The following NKX6-2 variants were observed in gnomAD, a reference collection of about 807,000 sequenced individuals.
NKX6-2 encodes the protein homeobox protein Nkx-6.2.
NKX6-2 carries 22 observed loss-of-function variants against 19.9 expected under a neutral mutation model. The observed-to-expected ratio is 1.10, with a 90% CI of 0.79 to 1.58. NKX6-2 has a LOEUF of 1.58. Among genes scored for constraint, NKX6-2 ranks in the 40% most tolerant of loss-of-function variants. The pLI is 0.00. For missense variants in NKX6-2, 475 were observed against 410.6 expected, an observed-to-expected ratio of 1.16 and a Z score of -1.35; for synonymous variants, 257 against 204.0, an observed-to-expected ratio of 1.26 and a Z score of -2.21.
Position 132,785,727 on chromosome 10 carries a change from G to GC in NKX6-2, c.221dup (p.Leu75ProfsTer385). On this transcript the variant is annotated frameshift_variant, in exon 1 of 3. Transcript: ENST00000368592. LOFTEE classifies it high-confidence loss of function. The surrounding 1 kb of genome is among the most constrained non-coding windows in gnomAD (Gnocchi z 5.5). ...TGAGCCGGGGCAGCCCCCCCAGGAG[G>GC]CCCCCGCCCGCCGCGCCCACGGGCC... The GC allele has an allele frequency of 8.1e-7, 1 of 1,230,600 alleles. No individual in the cohort carries two copies. Among genetic ancestry groups the GC allele is most frequent in the South Asian group, 3.4e-5 (1 of 29,322 alleles). The allele number at this position is 1,230,600 out of a possible 1,614,324, so 76.2% of individuals were successfully genotyped here. A position where few individuals can be genotyped will look rare whatever the true frequency, so the allele number is the denominator to read the frequency against.
rs1847206288 is a variant in NKX6-2 at position 132,783,614 on chromosome 10, G to T, written c.*1302C>A. On this transcript the variant is annotated 3_prime_UTR_variant, in exon 3 of 3. Transcript: ENST00000368592. ...ATCCTGGAATTTCACTGTATCACAC[G>T]CTGTCACAAAACACTAAGCCGTTCA... 1 of 152,162 alleles carries T rather than the reference G, an allele frequency of 6.6e-6. No individual in the cohort carries two copies. Among genetic ancestry groups the T allele is most frequent in the Admixed American group, 6.5e-5 (1 of 15,272 alleles). The allele number at this position is 152,162 out of a possible 1,614,324, so 9.4% of individuals were successfully genotyped here.
Position 132,785,679 on chromosome 10 carries a change from G to C in NKX6-2, c.270C>G (p.Gly90=). 8.0e-7 allele frequency: 1 copy of C among 1,252,070 alleles called. No homozygotes were observed. Among genetic ancestry groups the C allele is most frequent in the Non-Finnish European group, 1.0e-6 (1 of 999,898 alleles). 77.6% of individuals were successfully genotyped at this position (1,252,070 alleles called of 1,614,324 possible). A position where few individuals can be genotyped will look rare whatever the true frequency, so the allele number is the denominator to read the frequency against. ...CAGCGGCCGCGGGCCCGAAGTAAAC[G>C]CCGGCGGACGACGCGAGCCCGTTGA... ...PRLNGLASSA[G]VYFGPAAAVA... The change falls in exon 1 of 3, where the codon GGC becomes GGG. Residue 90 remains glycine, a synonymous_variant. Transcript: ENST00000368592. The surrounding 1 kb of genome is among the most constrained non-coding windows in gnomAD (Gnocchi z 5.5).
In NKX6-2 at chr10:132,785,504, G is replaced by A. The variant is rs1847252605; in HGVS notation, c.406+39C>T. On this transcript the variant is annotated intron_variant, in intron 1 of 2. Coordinates refer to ENST00000368592, the MANE Select transcript of NKX6-2 (RefSeq NM_177400.3). The surrounding 1 kb of genome is among the most constrained non-coding windows in gnomAD (Gnocchi z 5.5). ...TCAGCGGCCGGCGGGGTCCCCCTCC[G>A]CGCCCACCCGCCCCGCACCCCCCGC... The A allele has an allele frequency of 7.0e-7, 1 of 1,430,398 alleles. No homozygotes were observed. The highest frequency in any genetic ancestry group is 2.8e-5 in the Admixed American group (1 of 36,072). 88.6% of individuals were successfully genotyped at this position (1,430,398 alleles called of 1,614,324 possible). A position where few individuals can be genotyped will look rare whatever the true frequency, so the allele number is the denominator to read the frequency against.
At position 132,785,971 on chromosome 10, in the gene NKX6-2, GGCTCCC is replaced by G; in HGVS notation, c.-29_-24del. On this transcript the variant is annotated 5_prime_UTR_variant, in exon 1 of 3. The change abolishes an upstream ATG in the 5' untranslated region. Transcript: ENST00000368592. The surrounding 1 kb of genome is among the most constrained non-coding windows in gnomAD (Gnocchi z 5.5). ...CATGGGCGCCGCCGCCGCCGGCCCG[GGCTCCC>G]ATCCGGGCCCCGCCGCCGCCGCCCC... The G allele has an allele frequency of 1.1e-6, 1 of 878,516 alleles. No individual in the cohort carries two copies. The highest frequency in any genetic ancestry group is 1.5e-6 in the Non-Finnish European group (1 of 677,500). 54.4% of individuals were successfully genotyped at this position (878,516 alleles called of 1,614,324 possible). A position where few individuals can be genotyped will look rare whatever the true frequency, so the allele number is the denominator to read the frequency against.
rs1434576339 is a variant in NKX6-2 at position 132,784,701 on chromosome 10, G to C, written c.*215C>G. ...CCCGCAGCCTCCGCACCGGGAACCC[G>C]GAGGACCCGAGGCGGGCGCAGGGGC... On this transcript the variant is annotated 3_prime_UTR_variant, in exon 3 of 3. Transcript: ENST00000368592. The C allele has an allele frequency of 1.9e-6, 1 of 533,072 alleles. No homozygotes were observed. The highest frequency in any genetic ancestry group is 2.5e-5 in the South Asian group (1 of 39,900). 33.0% of individuals were successfully genotyped at this position (533,072 alleles called of 1,614,324 possible). A position where few individuals can be genotyped will look rare whatever the true frequency, so the allele number is the denominator to read the frequency against.
In NKX6-2 at chr10:132,785,194, G is replaced by C; in HGVS notation, c.580-24C>G. 1 of 1,599,330 alleles carries C rather than the reference G, an allele frequency of 6.3e-7. No individual in the cohort carries two copies. The highest frequency in any genetic ancestry group is 8.5e-7 in the Non-Finnish European group (1 of 1,173,580). ...ACCTGGGAGTGGACGGGGCGGTCAG[G>C]CGGCCGCGGGGCCCGGGGCTGGCGC... On this transcript the variant is annotated intron_variant, in intron 2 of 2. Transcript: ENST00000368592. The surrounding 1 kb of genome is among the most constrained non-coding windows in gnomAD (Gnocchi z 5.5).
rs777233341 is a variant in NKX6-2 at position 132,785,042 on chromosome 10, G to A, written c.708C>T (p.Asp236=). The A allele has an allele frequency of 1.1e-5, 18 of 1,608,596 alleles. No homozygotes were observed. Among genetic ancestry groups the A allele is most frequent in the Admixed American group, 5.0e-5 (3 of 60,026 alleles). The change falls in exon 3 of 3, where the codon GAC becomes GAT. Residue 236 remains aspartate, a synonymous_variant. Coordinates refer to ENST00000368592, the MANE Select transcript of NKX6-2 (RefSeq NM_177400.3). The surrounding 1 kb of genome is among the most constrained non-coding windows in gnomAD (Gnocchi z 5.5). The stretch of plus-strand genomic sequence containing the variant: ...TGGGGTCCAGGGGCCGGTTGTATTC[G>A]TCGTCGTCCTCCGCGTCCGAGCCGC... ...KVGGSDAEDD[D]EYNRPLDPNS...
chr10:132,785,937 G>A lies in NKX6-2; in HGVS notation c.12C>T (p.Asn4=). Residue 4 remains asparagine (N), a synonymous_variant, in exon 1 of 3, where the codon AAC becomes AAT. Transcript: ENST00000368592. This position sits in a 1 kb window ranked among gnomAD's most constrained non-coding sequence, Gnocchi z 5.5. MDT[N]RPGAFVLSSA... ...TGCTCAGCACGAACGCGCCCGGGCG[G>A]TTAGTGTCCATGGGCGCCGCCGCCG... The A allele has an allele frequency of 1.6e-6, 2 of 1,255,068 alleles. No individual in the cohort carries two copies. The highest frequency in any genetic ancestry group is 2.1e-6 in the Non-Finnish European group (2 of 957,320). The allele number at this position is 1,255,068 out of a possible 1,614,324, so 77.7% of individuals were successfully genotyped here.
chr10:132,785,461 G>A lies in NKX6-2; in HGVS notation c.407-9C>T. On this transcript the variant is annotated splice_polypyrimidine_tract_variant and intron_variant, in intron 1 of 2. Coordinates refer to ENST00000368592, the MANE Select transcript of NKX6-2 (RefSeq NM_177400.3). This position sits in a 1 kb window ranked among gnomAD's most constrained non-coding sequence, Gnocchi z 5.5. ...GACGCCGCCGGCCGGGGCTGCAAGG[G>A]AGGGGAAGGGAGGGAGGTCAGCGGC... 6.5e-7 allele frequency: 1 copy of A among 1,549,712 alleles called. No homozygotes were observed. Among genetic ancestry groups the A allele is most frequent in the Admixed American group, 1.9e-5 (1 of 53,344 alleles).
At position 132,785,429 on chromosome 10, in the gene NKX6-2, T is replaced by C. The variant is rs1215432302; in HGVS notation, c.430A>G (p.Lys144Glu). ...CGCGAGTGCTTCTTCTTCCCGTCCT[T>C]GTCCAGGACGCCGCCGGCCGGGGCT... Reference protein sequence around the residue: ...GPAPAGGVLDKDGKKKHSRPT... With the variant: ...GPAPAGGVLDEDGKKKHSRPT... Residue 144 changes from lysine (K) to glutamate (E), a missense_variant, in exon 2 of 3, where the codon AAG (lysine) becomes GAG (glutamate). Transcript: ENST00000368592. This position sits in a 1 kb window ranked among gnomAD's most constrained non-coding sequence, Gnocchi z 5.5. The C allele has an allele frequency of 1.3e-6, 2 of 1,591,026 alleles. No individual in the cohort carries two copies. The highest frequency in any genetic ancestry group is 1.1e-5 in the South Asian group (1 of 88,494).
chr10:132,785,397 G>A lies in NKX6-2; in HGVS notation c.462C>T (p.Thr154=), dbSNP rs1565020206. Residue 154 remains threonine (T), a synonymous_variant, in exon 2 of 3, where the codon ACC becomes ACT. Coordinates refer to ENST00000368592, the MANE Select transcript of NKX6-2 (RefSeq NM_177400.3). This position sits in a 1 kb window ranked among gnomAD's most constrained non-coding sequence, Gnocchi z 5.5. ...KDGKKKHSRP[T]FSGQQIFALE... is the part of the protein sequence containing the mutation. The stretch of plus-strand genomic sequence containing the variant: ...GCGCGAAGATCTGCTGGCCCGAGAA[G>A]GTCGGGCGCGAGTGCTTCTTCTTCC... The A allele has an allele frequency of 2.5e-6, 4 of 1,601,660 alleles. No homozygotes were observed. Among genetic ancestry groups the A allele is most frequent in the Non-Finnish European group, 3.4e-6 (4 of 1,175,818 alleles).
In NKX6-2 at chr10:132,785,954, C is replaced by G; in HGVS notation, c.-6G>C. The G allele has an allele frequency of 9.9e-7, 1 of 1,007,210 alleles. No homozygotes were observed. The highest frequency in any genetic ancestry group is 1.3e-6 in the Non-Finnish European group (1 of 780,236). The allele number at this position is 1,007,210 out of a possible 1,614,324, so 62.4% of individuals were successfully genotyped here. A position where few individuals can be genotyped will look rare whatever the true frequency, so the allele number is the denominator to read the frequency against. ...CCCGGGCGGTTAGTGTCCATGGGCGCCGCCGCCGCCGGCCCGGGCTCCCAT... is the reference window on the plus strand; with the variant it reads ...CCCGGGCGGTTAGTGTCCATGGGCGGCGCCGCCGCCGGCCCGGGCTCCCAT... On this transcript the variant is annotated 5_prime_UTR_variant, in exon 1 of 3. Coordinates refer to ENST00000368592, the MANE Select transcript of NKX6-2 (RefSeq NM_177400.3). The surrounding 1 kb of genome is among the most constrained non-coding windows in gnomAD (Gnocchi z 5.5).
rs1177538266 is a variant in NKX6-2, at chr10:132,783,393, C to T, written c.*1523G>A. 1 of 152,218 alleles carries T rather than the reference C, an allele frequency of 6.6e-6. No individual in the cohort carries two copies. The highest frequency in any genetic ancestry group is 6.6e-5 in the Admixed American group (1 of 15,260). The allele number at this position is 152,218 out of a possible 1,614,324, so 9.4% of individuals were successfully genotyped here. On this transcript the variant is annotated 3_prime_UTR_variant, in exon 3 of 3. Transcript: ENST00000368592. ...CCGCGGTTCAACACGGAGTCCGCCCCGCGGGTTTCAGCTGTTGGTCGTTCT... is the reference window on the plus strand; with the variant it reads ...CCGCGGTTCAACACGGAGTCCGCCCTGCGGGTTTCAGCTGTTGGTCGTTCT...
chr10:132,785,523 C>G lies in NKX6-2; in HGVS notation c.406+20G>C. 9 of 1,387,038 alleles carry G rather than the reference C, an allele frequency of 6.5e-6. No homozygotes were observed. The highest frequency in any genetic ancestry group is 1.6e-5 in the South Asian group (1 of 60,728). The allele number at this position is 1,387,038 out of a possible 1,614,324, so 85.9% of individuals were successfully genotyped here. ...CCCTCCGCGCCCACCCGCCCCGCAC[C>G]CCCCGCGCGGGCCACTCACCCGGGC... is the stretch of plus-strand genomic sequence containing the variant. On this transcript the variant is annotated intron_variant, in intron 1 of 2. Transcript: ENST00000368592. The surrounding 1 kb of genome is among the most constrained non-coding windows in gnomAD (Gnocchi z 5.5).
At position 132,784,932 on chromosome 10, in the gene NKX6-2, GCGC is replaced by G. The variant is rs1366428736; in HGVS notation, c.815_817del (p.Gly272del). 1.2e-6 allele frequency: 2 copies of G among 1,612,108 alleles called. No individual in the cohort carries two copies. The highest frequency in any genetic ancestry group is 8.5e-7 in the Non-Finnish European group (1 of 1,179,590). ...CGCGGGTCCTCACAAGGCGTCCCCC[GCGC>G]CGCCGCCGCACGGGCTGACCAGCGC... On this transcript the variant is annotated inframe_deletion, in exon 3 of 3. Coordinates refer to ENST00000368592, the MANE Select transcript of NKX6-2 (RefSeq NM_177400.3).
Position 132,783,313 on chromosome 10 carries a change from G to A in NKX6-2, c.*1603C>T, listed in dbSNP as rs1468320100. Reference sequence around the variant, plus strand: ...ACTGCAAGTGACTGCTGTCCGCTGCGGAATCTGTTCTTGGTGGAAGCACAG... The same window carrying A: ...ACTGCAAGTGACTGCTGTCCGCTGCAGAATCTGTTCTTGGTGGAAGCACAG... On this transcript the variant is annotated 3_prime_UTR_variant, in exon 3 of 3. Coordinates refer to ENST00000368592, the MANE Select transcript of NKX6-2 (RefSeq NM_177400.3). 3 of 152,296 alleles carry A rather than the reference G, an allele frequency of 2.0e-5. No homozygotes were observed. The highest frequency in any genetic ancestry group is 6.6e-5 in the Admixed American group (1 of 15,260). 9.4% of individuals were successfully genotyped at this position (152,296 alleles called of 1,614,324 possible).
At position 132,784,279 on chromosome 10, in the gene NKX6-2, A is replaced by C. The variant is rs965212839; in HGVS notation, c.*637T>G. 7 of 152,288 alleles carry C rather than the reference A, an allele frequency of 4.6e-5. No homozygotes were observed. Among genetic ancestry groups the C allele is most frequent in the East Asian group, 1.9e-4 (1 of 5,196 alleles). The allele number at this position is 152,288 out of a possible 1,614,324, so 9.4% of individuals were successfully genotyped here. On this transcript the variant is annotated 3_prime_UTR_variant, in exon 3 of 3. Coordinates refer to ENST00000368592, the MANE Select transcript of NKX6-2 (RefSeq NM_177400.3). ...GAAGATCTGGCGGGATGGTGACCGA[A>C]GGGCCTCCGTGCAGCGGATCAGACC...
In NKX6-2 at chr10:132,784,672, G is replaced by T; in HGVS notation, c.*244C>A. 1 of 488,226 alleles carries T rather than the reference G, an allele frequency of 2.0e-6. No individual in the cohort carries two copies. The highest frequency in any genetic ancestry group is 3.0e-5 in the South Asian group (1 of 33,416). The allele number at this position is 488,226 out of a possible 1,614,324, so 30.2% of individuals were successfully genotyped here. ...CTTCGCCGCCTCCTCGCGCCTGCCC[G>T]GGGCCCGCAGCCTCCGCACCGGGAA... On this transcript the variant is annotated 3_prime_UTR_variant, in exon 3 of 3. Transcript: ENST00000368592.
chr10:132,785,330 C>G lies in NKX6-2; in HGVS notation c.529G>C (p.Glu177Gln). 1 of 1,606,744 alleles carries G rather than the reference C, an allele frequency of 6.2e-7. No individual in the cohort carries two copies. Among genetic ancestry groups the G allele is most frequent in the Non-Finnish European group, 8.5e-7 (1 of 1,177,746 alleles). The change falls in exon 2 of 3, where the codon GAG (glutamate) becomes CAG (glutamine). Residue 177 changes from glutamate to glutamine, a missense_variant. Physicochemically the swap from Glu to Gln is conservative, Grantham distance 29. Coordinates refer to ENST00000368592, the MANE Select transcript of NKX6-2 (RefSeq NM_177400.3). The surrounding 1 kb of genome is among the most constrained non-coding windows in gnomAD (Gnocchi z 5.5). ...FEQTKYLAGP[E>Q]RARLAYSLGM... The stretch of plus-strand genomic sequence containing the variant: ...AGCGAGTAGGCGAGACGCGCGCGCT[C>G]CGGGCCCGCCAGGTACTTGGTCTGC...
Sources: gnomAD v4.1 joint callset for allele counts on GRCh38, gnomAD v4.1.1 for gene constraint, Gnocchi (gnomAD v3.1) non-coding constraint, MANE v1.5 for transcripts, NCBI Gene and HGNC (gene_info 2026-07-23, HGNC 2026-07-21) for gene names.